The following PXMP2 variants were observed in gnomAD, a reference collection of about 807,000 sequenced individuals.
PXMP2 encodes the protein 22 kDa peroxisomal membrane protein.
Under a neutral mutation model 20.2 loss-of-function variants are expected in PXMP2, and 13 were observed. The ratio of observed to expected loss-of-function variants is 0.64; its 90% CI spans 0.42 to 1.02. The LOEUF is 1.02. Among genes scored for constraint, PXMP2 ranks in the 50% least tolerant of loss-of-function variants. PXMP2 has a pLI of 0.00. For missense variants in PXMP2, 284 were observed against 251.8 expected (o/e 1.13, Z -0.87); for synonymous variants, 113 against 111.2 (o/e 1.02, Z -0.10).
intron 2 of PXMP2, 43 bp from the exon 3 acceptor site, chr12:132,695,841 T>C: frequency 6.4e-7 from 1 of 1,565,922 alleles, no homozygotes. Flanking sequence ...GAAGAGCACA[T>C]CCAGAGAACC....
intron 4 of PXMP2, among the ~76,000 whole-genome samples, chr12:132,703,479 T>C (rs1248970895): frequency 6.6e-6 from 1 of 152,066 alleles, no homozygotes; most frequent in African/African-American, 2.4e-5. Flanking sequence ...CCCAGCACAC[T>C]CACAGTGGTG....
At chr12:132,692,961 G>T (rs2043380864) in intron 2 of PXMP2, among the ~76,000 whole-genome samples, 1 of 88,784 alleles carries the variant, frequency 1.1e-5, no homozygotes, top group African/African-American at 3.7e-5. Context: ...GTTAGTTAGT[G>T]AGCTCCCTTA....
At chr12:132,698,719 C>T (rs1204488130) in intron 3 of PXMP2, among the ~76,000 whole-genome samples, 6 of 151,998 alleles carry the variant, frequency 3.9e-5, no homozygotes, top group Admixed American at 6.6e-5. Flanking sequence ...CTCCGCCTCT[C>T]GGGTTCAAGT....
chr12:132,690,069 T>C (rs76994363), intron 1 of PXMP2, among the ~76,000 whole-genome samples, 194 bp from the exon 2 acceptor site: 1,830 of 152,344 alleles, frequency 0.012, 38 homozygotes, highest in African/African-American at 0.041. Flanking sequence ...AAGCCACTTG[T>C]CCTTACCTGT....
rs2043316112 is a variant in PXMP2, at chr12:132,687,797, G to A, written c.122+5G>A. 8.7e-7 allele frequency: 1 copy of A among 1,150,114 alleles called. No individual in the cohort carries two copies. The highest frequency in any genetic ancestry group is 1.1e-6 in the Non-Finnish European group (1 of 935,928). 71.2% of individuals were successfully genotyped at this position (1,150,114 alleles called of 1,614,324 possible). ...GCTCACCAAGGCGGCCACCAGGTGA[G>A]CGGGGGCGCGGGAATCGGACGCCGC... is the stretch of plus-strand genomic sequence containing the variant. On this transcript the variant is annotated splice_donor_5th_base_variant and intron_variant, in intron 1 of 4. Transcript: ENST00000317479.
rs200060365 is a variant in PXMP2, at chr12:132,704,707, A to C, written c.*20A>C. 90 of 1,588,828 alleles carry C rather than the reference A, an allele frequency of 5.7e-5. 1 individual carries two copies. The East Asian group carries it at 1.8e-3, about 32-fold the overall frequency. On this transcript the variant is annotated 3_prime_UTR_variant, in exon 5 of 5. Coordinates refer to ENST00000317479, the MANE Select transcript of PXMP2 (RefSeq NM_018663.3). ...AAGTGACGACCGCTGGGAGAACATCAGGTGCACTGTGGACGTGGGTCTGGG... is the reference window on the plus strand; with the variant it reads ...AAGTGACGACCGCTGGGAGAACATCCGGTGCACTGTGGACGTGGGTCTGGG...
In PXMP2 at chr12:132,704,918, C is replaced by T. The variant is rs532196882; in HGVS notation, c.*231C>T. The T allele has an allele frequency of 7.4e-6, 4 of 541,982 alleles. No individual in the cohort carries two copies. The highest frequency in any genetic ancestry group is 1.9e-5 in the African/African-American group (1 of 51,886). 33.6% of individuals were successfully genotyped at this position (541,982 alleles called of 1,614,324 possible). ...CTGCCCCAGAAACTTAAAATTTAGTCGAGGCAGTTTCAATTGTTACTGTGG... is the reference window on the plus strand; with the variant it reads ...CTGCCCCAGAAACTTAAAATTTAGTTGAGGCAGTTTCAATTGTTACTGTGG... On this transcript the variant is annotated 3_prime_UTR_variant, in exon 5 of 5. Coordinates refer to ENST00000317479, the MANE Select transcript of PXMP2 (RefSeq NM_018663.3).
chr12:132,702,392 AG>A lies in PXMP2; in HGVS notation c.519+1025del, dbSNP rs556902120. 634 of 284,058 alleles carry A rather than the reference AG, an allele frequency of 2.2e-3. 4 individuals are homozygous for A. Among genetic ancestry groups the A allele is most frequent in the African/African-American group, 0.014 (605 of 44,456 alleles). 17.6% of individuals were successfully genotyped at this position (284,058 alleles called of 1,614,324 possible). On this transcript the variant is annotated intron_variant, in intron 4 of 4. Transcript: ENST00000317479. ...CTGGTGGTGTGGAGGCTGGAGCTCC[AG>A]GCTCTGCCACTGGGATCAACTGTCT...
chr12:132,689,587 T>C (rs2043355157), intron 1 of PXMP2, among the ~76,000 whole-genome samples: 1 of 152,128 alleles, frequency 6.6e-6, no homozygotes, highest in African/African-American at 2.4e-5. Context: ...GGTGTCTAGG[T>C]CCGTGCTAGG....
intron 4 of PXMP2, among the ~76,000 whole-genome samples, chr12:132,703,903 G>A (rs1257773101): frequency 6.6e-6 from 1 of 152,196 alleles, no homozygotes; most frequent in East Asian, 1.9e-4. Flanking sequence ...AGACAGACTG[G>A]CCGGGAACAC....
chr12:132,702,536 A>AG, intron 4 of PXMP2: 2 of 355,802 alleles, frequency 5.6e-6, no homozygotes, highest in East Asian at 1.0e-4. Flanking sequence ...CAGAGCCTGC[A>AG]GGGGCCACGT....
chr12:132,689,165 G>C (rs1442289668), intron 1 of PXMP2, among the ~76,000 whole-genome samples: 8 of 135,952 alleles, frequency 5.9e-5, no homozygotes, highest in Non-Finnish European at 1.3e-4. Flanking sequence ...AGGGGAGCGG[G>C]TCTGCGGGGC....
In PXMP2 at chr12:132,694,668, CAGTT is replaced by C. The variant is rs768306255; in HGVS notation, c.237-1208_237-1205del. Among the ~76,000 whole-genome samples, 78 of 129,560 alleles carry C rather than the reference CAGTT, an allele frequency of 6.0e-4. 2 individuals are homozygous for C. The highest frequency in any genetic ancestry group is 5.2e-3 in the Middle Eastern group (1 of 194). The allele number at this position is 129,560 out of a possible 152,430, so 85.0% of individuals were successfully genotyped here. A position where few individuals can be genotyped will look rare whatever the true frequency, so the allele number is the denominator to read the frequency against. ...CAGTTAGTTAGTGAGCTCCCTTAGC[CAGTT>C]AGTTAGTGAGCTCCCTTAGCCAGTT... On this transcript the variant is annotated intron_variant, in intron 2 of 4. Coordinates refer to ENST00000317479, the MANE Select transcript of PXMP2 (RefSeq NM_018663.3).
chr12:132,699,233 A>G (rs1179034927), intron 3 of PXMP2, among the ~76,000 whole-genome samples: 1 of 152,164 alleles, frequency 6.6e-6, no homozygotes, highest in Non-Finnish European at 1.5e-5. Flanking sequence ...CCTGGGCAAC[A>G]GAGTGAGACC....
chr12:132,689,768 G>C (rs1054068050), intron 1 of PXMP2, among the ~76,000 whole-genome samples: 1 of 152,194 alleles, frequency 6.6e-6, no homozygotes, highest in Non-Finnish European at 1.5e-5. Context: ...CACCTTCCCA[G>C]TGTCCCCCAT....
Position 132,696,906 on chromosome 12 carries a change from T to C in PXMP2, c.399+860T>C, listed in dbSNP as rs1473939179. Reference sequence around the variant, plus strand: ...AGGAGAATCGCTTGAAGCCGGGAGGTGGAGGTTGTGGTGAGCTGAGATTGT... The same window carrying C: ...AGGAGAATCGCTTGAAGCCGGGAGGCGGAGGTTGTGGTGAGCTGAGATTGT... On this transcript the variant is annotated intron_variant, in intron 3 of 4. Coordinates refer to ENST00000317479, the MANE Select transcript of PXMP2 (RefSeq NM_018663.3). This position sits in a 1 kb window ranked among gnomAD's most constrained non-coding sequence, Gnocchi z 4.4. Among the ~76,000 whole-genome samples the C allele has an allele frequency of 1.3e-5, 2 of 150,610 alleles. No homozygotes were observed. Among genetic ancestry groups the C allele is most frequent in the Non-Finnish European group, 3.0e-5 (2 of 67,762 alleles).
chr12:132,695,034 C>T (rs904092027), intron 2 of PXMP2, among the ~76,000 whole-genome samples: 8 of 149,924 alleles, frequency 5.3e-5, no homozygotes, highest in Non-Finnish European at 8.9e-5. Context: ...TAGTGAGCTC[C>T]CTTAGCCAGT....
chr12:132,697,405 A>ATTT lies in PXMP2; in HGVS notation c.399+1360_399+1362dup, dbSNP rs771462062. ...CTTTGTAGTCCTATTTTATTTATTT[A>ATTT]TTTATTTATTTTTTATTTTTGAGGC... On this transcript the variant is annotated intron_variant, in intron 3 of 4. Transcript: ENST00000317479. Among the ~76,000 whole-genome samples the ATTT allele has an allele frequency of 1.2e-3, 179 of 151,374 alleles. No individual in the cohort carries two copies. The Middle Eastern group carries it at 0.017, about 14-fold the overall frequency.
intron 4 of PXMP2, chr12:132,702,460 A>T: frequency 2.5e-6 from 1 of 403,540 alleles, no homozygotes; most frequent in Non-Finnish European, 5.0e-6. Context: ...CCACACTGGG[A>T]GGATGGGGTG....
Sources: gnomAD v4.1 joint callset for allele counts (sites outside exome capture counted in the v4.1 genomes callset) on GRCh38, gnomAD v4.1.1 for gene constraint, Gnocchi (gnomAD v3.1) non-coding constraint, MANE v1.5 for transcripts, NCBI Gene and HGNC (gene_info 2026-07-23, HGNC 2026-07-21) for gene names.